EXOC6B: variants seen among roughly 807,000 people sequenced by gnomAD.
EXOC6B encodes the protein exocyst complex component 6B.
A neutral mutation model predicts 113.5 loss-of-function variants in EXOC6B; 54 were observed. That is an observed-to-expected ratio of 0.48 (90% CI 0.38 to 0.60). EXOC6B has a LOEUF of 0.60. Among genes scored for constraint, EXOC6B ranks in the 20% least tolerant of loss-of-function variants. The pLI, the probability that EXOC6B is intolerant of heterozygous loss-of-function variation, is 0.00. For synonymous variants in EXOC6B, 357 were observed against 339.0 expected (o/e 1.05, Z -0.58); for missense variants, 797 against 977.5 (o/e 0.82, Z 2.46).
chr2:72,364,707 C>T (rs1690511752), intron 19 of EXOC6B, among the ~76,000 whole-genome samples: 1 of 152,118 alleles, frequency 6.6e-6, no homozygotes, highest in Non-Finnish European at 1.5e-5. Flanking sequence ...CAGTGTTTCT[C>T]CCAGTCCATC....
intron 13 of EXOC6B, among the ~76,000 whole-genome samples, chr2:72,497,147 A>AT (rs1700080809): frequency 6.6e-6 from 1 of 151,344 alleles, no homozygotes; most frequent in East Asian, 1.9e-4. Flanking sequence ...CTAATTTTTA[A>AT]TTTTTTTGTA....
At chr2:72,578,833 A>G (rs1321028740) in intron 6 of EXOC6B, among the ~76,000 whole-genome samples, 40 of 152,182 alleles carry the variant, frequency 2.6e-4, no homozygotes, top group African/African-American at 2.4e-5. Context: ...TATGAAAAAA[A>G]TATTATCCAC....
At chr2:72,751,411 T>C (rs1264999678) in intron 1 of EXOC6B, among the ~76,000 whole-genome samples, 1 of 151,878 alleles carries the variant, frequency 6.6e-6, no homozygotes, top group African/African-American at 2.4e-5. Flanking sequence ...CAATAAGGGG[T>C]TGTAGAGACC....
chr2:72,664,898 A>G lies in EXOC6B; in HGVS notation c.669+53205T>C, dbSNP rs534733949. Among the ~76,000 whole-genome samples, 7 of 152,336 alleles carry G rather than the reference A, an allele frequency of 4.6e-5. No individual in the cohort carries two copies. The East Asian group carries it at 7.7e-4, about 17-fold the overall frequency. ...CTGATACAGCCAGTGCCCATCCCAGAGGGGCCAAAGGATGGAGCTGTGGGC... is the reference window on the plus strand; with the variant it reads ...CTGATACAGCCAGTGCCCATCCCAGGGGGGCCAAAGGATGGAGCTGTGGGC... On this transcript the variant is annotated intron_variant, in intron 6 of 21. Coordinates refer to ENST00000272427, the MANE Select transcript of EXOC6B (RefSeq NM_015189.3).
At chr2:72,588,516 G>A (rs1705724057) in intron 6 of EXOC6B, among the ~76,000 whole-genome samples, 1 of 151,954 alleles carries the variant, frequency 6.6e-6, no homozygotes, top group Non-Finnish European at 1.5e-5. Flanking sequence ...GGTTGCTAGG[G>A]CTGGGAGCAA....
At chr2:72,659,221 TGA>T (rs1674829490) in intron 6 of EXOC6B, among the ~76,000 whole-genome samples, 4 of 152,154 alleles carry the variant, frequency 2.6e-5, no homozygotes, top group Non-Finnish European at 5.9e-5. Context: ...TACTCCCATC[TGA>T]AGAAGATAAA....
At chr2:72,504,860 A>G (rs964288167) in intron 11 of EXOC6B, among the ~76,000 whole-genome samples, 3 of 152,176 alleles carry the variant, frequency 2.0e-5, no homozygotes, top group Non-Finnish European at 4.4e-5. Context: ...TACTAAGAAG[A>G]CTGAACACCT....
intron 19 of EXOC6B, among the ~76,000 whole-genome samples, chr2:72,372,572 G>A (rs762699918): frequency 2.0e-5 from 3 of 152,116 alleles, no homozygotes; most frequent in South Asian, 2.1e-4. Flanking sequence ...CTGACTGGGC[G>A]TGGTGGCTCA....
At chr2:72,367,480 C>T (rs1690703057) in intron 19 of EXOC6B, among the ~76,000 whole-genome samples, 1 of 152,160 alleles carries the variant, frequency 6.6e-6, no homozygotes, top group Non-Finnish European at 1.5e-5. Flanking sequence ...ATGATTACAT[C>T]ATTTGTCTGA....
chr2:72,745,491 T>TAAAAC (rs1681636159), intron 1 of EXOC6B, among the ~76,000 whole-genome samples: 1 of 152,032 alleles, frequency 6.6e-6, no homozygotes, highest in Non-Finnish European at 1.5e-5. Context: ...AACACCCATA[T>TAAAAC]TTAAAACAGG....
rs1558862341 is a variant in EXOC6B, at chr2:72,631,451, TATATATATATAGAGAGAGAGAGAGAG to T, written c.670-55809_670-55784del. Among the ~76,000 whole-genome samples the T allele has an allele frequency of 4.3e-4, 20 of 45,998 alleles. 1 individual carries two copies. Among genetic ancestry groups the T allele is most frequent in the African/African-American group, 1.5e-3 (19 of 12,796 alleles). The allele number at this position is 45,998 out of a possible 152,430, so 30.2% of individuals were successfully genotyped here. On this transcript the variant is annotated intron_variant, in intron 6 of 21. Coordinates refer to ENST00000272427, the MANE Select transcript of EXOC6B (RefSeq NM_015189.3). ...GTATATATATATATATATATATATA[TATATATATATAGAGAGAGAGAGAGAG>T]AGAGAGAGAGAGAGAGAGAGAGAGA... is the stretch of plus-strand genomic sequence containing the variant.
At chr2:72,226,846 T>C (rs933551672) in intron 20 of EXOC6B, among the ~76,000 whole-genome samples, 2 of 152,190 alleles carry the variant, frequency 1.3e-5, no homozygotes, top group African/African-American at 4.8e-5. Flanking sequence ...GTGATTATTA[T>C]ATATATTTGA....
chr2:72,454,834 A>C (rs143012404), intron 18 of EXOC6B, among the ~76,000 whole-genome samples: 1 of 152,172 alleles, frequency 6.6e-6, no homozygotes, highest in Non-Finnish European at 1.5e-5. Flanking sequence ...TCAACACACA[A>C]AGATATTTCT....
chr2:72,618,750 T>C (rs1419398064), intron 6 of EXOC6B, among the ~76,000 whole-genome samples: 1 of 152,242 alleles, frequency 6.6e-6, no homozygotes, highest in African/African-American at 2.4e-5. Flanking sequence ...TCCATTCCTC[T>C]ACACTCATCC....
At position 72,564,289 on chromosome 2, in the gene EXOC6B, T is replaced by C. The variant is rs1573401066; in HGVS notation, c.847-4768A>G. 2.0e-5 allele frequency among the ~76,000 whole-genome samples: 3 copies of C among 152,270 alleles called. No individual in the cohort carries two copies. In the Middle Eastern group the frequency reaches 0.01, roughly 518 times the overall value. The stretch of plus-strand genomic sequence containing the variant: ...ACAGACACACACACTCTCTCCCTCA[T>C]ACACCTACACGGCATTTATTTTTCT... On this transcript the variant is annotated intron_variant, in intron 7 of 21. Transcript: ENST00000272427.
At chr2:72,443,354 A>G (rs1326476308) in intron 18 of EXOC6B, among the ~76,000 whole-genome samples, 1 of 151,428 alleles carries the variant, frequency 6.6e-6, no homozygotes, top group African/African-American at 2.4e-5. Context: ...AAGAAAAGAC[A>G]CTTAGAAAAA....
intron 20 of EXOC6B, among the ~76,000 whole-genome samples, chr2:72,320,807 T>C (rs151080505): frequency 7.9e-5 from 12 of 152,228 alleles, no homozygotes; most frequent in African/African-American, 2.9e-4. Context: ...GACCAGAACA[T>C]ATAAAAAACT....
At chr2:72,462,890 T>C (rs1165340261) in intron 18 of EXOC6B, 3 of 152,128 alleles carry the variant, frequency 2.0e-5, no homozygotes, top group Non-Finnish European at 4.4e-5. Flanking sequence ...TGTTTTATTG[T>C]TCTACTGTTC....
chr2:72,445,868 T>C (rs1296460218), intron 18 of EXOC6B, among the ~76,000 whole-genome samples: 2 of 152,156 alleles, frequency 1.3e-5, no homozygotes, highest in African/African-American at 4.8e-5. Flanking sequence ...GACACACATG[T>C]GGCCAACAAG....
Sources: gnomAD v4.1 joint callset for allele counts (sites outside exome capture counted in the v4.1 genomes callset) on GRCh38, gnomAD v4.1.1 for gene constraint, MANE v1.5 for transcripts, NCBI Gene and HGNC (gene_info 2026-07-23, HGNC 2026-07-21) for gene names.